Variants in EPHB1 observed in about 807,000 individuals in gnomAD.
EPHB1 encodes the protein ephrin type-B receptor 1.
In EPHB1, 30 loss-of-function variants were observed where a neutral mutation model predicts 94.4. The observed-to-expected ratio is 0.32, with a 90% CI of 0.24 to 0.43. The LOEUF is 0.43. Among genes scored for constraint, EPHB1 ranks in the 20% least tolerant of loss-of-function variants. The pLI is 1.00. For missense variants in EPHB1, 1,055 were observed against 1,308.3 expected (o/e 0.81, Z 2.99); for synonymous variants, 522 against 489.1 (o/e 1.07, Z -0.89).
intron 1 of EPHB1, among the ~76,000 whole-genome samples, chr3:134,896,214 G>C (rs2038084236): frequency 6.6e-6 from 1 of 151,572 alleles, no homozygotes; most frequent in Non-Finnish European, 1.5e-5. Flanking sequence ...GGGCCCATAA[G>C]CTCCTTCGTG....
At chr3:135,114,041 C>G (rs1559836149) in intron 4 of EPHB1, among the ~76,000 whole-genome samples, 1 of 152,150 alleles carries the variant, frequency 6.6e-6, no homozygotes, top group Non-Finnish European at 1.5e-5. Flanking sequence ...GAGCTCCCAC[C>G]ACATGTGGCA....
intron 3 of EPHB1, among the ~76,000 whole-genome samples, chr3:135,094,194 A>G (rs1254486803): frequency 6.6e-6 from 1 of 152,228 alleles, no homozygotes; most frequent in Non-Finnish European, 1.5e-5. Context: ...ACACAGCGAC[A>G]TCAGCCTTGC....
At chr3:134,886,009 G>A (rs571746425) in intron 1 of EPHB1, among the ~76,000 whole-genome samples, 152 of 152,324 alleles carry the variant, frequency 1.0e-3, no homozygotes, top group African/African-American at 3.5e-3. Flanking sequence ...CTGAGCATCG[G>A]TTTAAGAGTT....
intron 1 of EPHB1, among the ~76,000 whole-genome samples, chr3:134,825,493 G>A (rs908836593): frequency 1.3e-5 from 2 of 152,222 alleles, no homozygotes; most frequent in Admixed American, 1.3e-4. Context: ...ATATCCCACA[G>A]GGGATGCTGC....
chr3:134,846,774 C>T (rs1005083290), intron 1 of EPHB1, among the ~76,000 whole-genome samples: 2 of 152,028 alleles, frequency 1.3e-5, no homozygotes, highest in Non-Finnish European at 2.9e-5. Flanking sequence ...TGGGATGGAC[C>T]CTGGTCCATC....
chr3:134,950,541 C>T (rs748816884), intron 2 of EPHB1, among the ~76,000 whole-genome samples: 14 of 152,188 alleles, frequency 9.2e-5, no homozygotes, highest in Non-Finnish European at 2.1e-4. Flanking sequence ...TCTACTTCTG[C>T]TGAGGGCCTC....
At chr3:134,973,175 G>C (rs1934044431) in intron 3 of EPHB1, among the ~76,000 whole-genome samples, 1 of 152,168 alleles carries the variant, frequency 6.6e-6, no homozygotes, top group South Asian at 2.1e-4. Context: ...TGTAGTCTCA[G>C]GTGTGCAGCC....
intron 3 of EPHB1, among the ~76,000 whole-genome samples, chr3:135,074,923 G>C (rs1225617434): frequency 6.6e-6 from 1 of 152,202 alleles, no homozygotes; most frequent in African/African-American, 2.4e-5. Flanking sequence ...CAGGGTGAGA[G>C]CCTACCATGC....
At chr3:135,029,662 T>C (rs867301051) in intron 3 of EPHB1, among the ~76,000 whole-genome samples, 2,920 of 150,528 alleles carry the variant, frequency 0.019, 92 homozygotes, top group African/African-American at 0.068. Flanking sequence ...TAACATTTTT[T>C]CCTTCATTTC....
intron 5 of EPHB1, 141 bp from the exon 6 acceptor site, chr3:135,154,011 G>T: frequency 8.7e-7 from 1 of 1,154,470 alleles, no homozygotes; most frequent in Admixed American, 2.1e-5. Flanking sequence ...AGGAAGTTCT[G>T]CAGGTCCAGC....
At chr3:135,084,673 T>C (rs1278919150) in intron 3 of EPHB1, among the ~76,000 whole-genome samples, 1 of 152,196 alleles carries the variant, frequency 6.6e-6, no homozygotes, top group Non-Finnish European at 1.5e-5. Context: ...AGCTCCCTCA[T>C]TCCCAGGGGC....
At chr3:134,883,215 A>G (rs570388791) in intron 1 of EPHB1, among the ~76,000 whole-genome samples, 12 of 152,338 alleles carry the variant, frequency 7.9e-5, no homozygotes, top group African/African-American at 2.9e-4. Context: ...GAAGAAGGCA[A>G]AAGAAACCAT....
chr3:135,098,172 T>G (rs1336870900), intron 3 of EPHB1, among the ~76,000 whole-genome samples: 2 of 152,246 alleles, frequency 1.3e-5, no homozygotes, highest in African/African-American at 4.8e-5. Flanking sequence ...GAGGTTGTCA[T>G]TCATATTTTT....
chr3:135,145,669 G>A (rs1940987293), intron 5 of EPHB1, among the ~76,000 whole-genome samples: 1 of 152,186 alleles, frequency 6.6e-6, no homozygotes, highest in South Asian at 2.1e-4. Context: ...CAATCCCAGT[G>A]AGATGGGGAG....
intron 3 of EPHB1, among the ~76,000 whole-genome samples, chr3:135,052,600 A>T (rs143614342): frequency 6.6e-6 from 1 of 151,480 alleles, no homozygotes; most frequent in Non-Finnish European, 1.5e-5. Context: ...AGTGGCTCAC[A>T]CCTGTAATCC....
At chr3:135,016,810 C>T (rs975211077) in intron 3 of EPHB1, among the ~76,000 whole-genome samples, 23 of 152,212 alleles carry the variant, frequency 1.5e-4, no homozygotes, top group African/African-American at 5.5e-4. Context: ...AGCATTGCTT[C>T]CATCCCATCC....
chr3:135,050,912 TTGTG>T (rs61632320), intron 3 of EPHB1, among the ~76,000 whole-genome samples: 56,933 of 147,830 alleles, frequency 0.39, 11,570 homozygotes, highest in East Asian at 0.7. Flanking sequence ...TAAACACCCT[TTGTG>T]TGTGTGTGTG....
At chr3:135,058,758 C>T (rs565674250) in intron 3 of EPHB1, among the ~76,000 whole-genome samples, 2 of 152,208 alleles carry the variant, frequency 1.3e-5, no homozygotes, top group East Asian at 1.9e-4. Context: ...CTTCTGCCTC[C>T]GGCTACATGG....
intron 9 of EPHB1, 31 bp downstream of exon 9, chr3:135,167,037 C>A: frequency 1.2e-6 from 2 of 1,610,776 alleles, no homozygotes; most frequent in Non-Finnish European, 1.7e-6. Context: ...CGGTGTCTGA[C>A]CCCCACAGGC....
Sources: gnomAD v4.1 joint callset for allele counts (sites outside exome capture counted in the v4.1 genomes callset) on GRCh38, gnomAD v4.1.1 for gene constraint, MANE v1.5 for transcripts, NCBI Gene and HGNC (gene_info 2026-07-23, HGNC 2026-07-21) for gene names.